Variants in NAV3 observed in about 807,000 individuals in gnomAD.
The protein encoded by NAV3 is pore membrane and/or filament interacting like protein 1.
NAV3 carries 87 observed loss-of-function variants against 244.7 expected under a neutral mutation model. The ratio of observed to expected loss-of-function variants is 0.36; its 90% CI spans 0.30 to 0.42. The LOEUF (loss-of-function observed/expected upper bound fraction) is 0.42, where lower values mean the gene tolerates loss of function less well. Among genes scored for constraint, NAV3 ranks in the 20% least tolerant of loss-of-function variants. The pLI is 1.00. For synonymous variants in NAV3, 1,126 were observed against 1,042.2 expected, an observed-to-expected ratio of 1.08 and a Z score of -1.55; for missense variants, 2,663 against 2,893.3, an observed-to-expected ratio of 0.92 and a Z score of 1.83.
intron 22 of NAV3, among the ~76,000 whole-genome samples, chr12:78,151,523 A>G (rs1957080832): frequency 6.6e-6 from 1 of 152,044 alleles, no homozygotes; most frequent in Admixed American, 6.6e-5. Context: ...GTGAAAAAAG[A>G]CAGTTATAGA....
chr12:77,896,620 C>G (rs1349771509), intron 1 of NAV3, among the ~76,000 whole-genome samples: 1 of 152,132 alleles, frequency 6.6e-6, no homozygotes, highest in Non-Finnish European at 1.5e-5. Context: ...ATGAACATAA[C>G]AATTGCATTA....
At chr12:77,674,390 T>A (rs1198918921) in intron 2 of NAV3, among the ~76,000 whole-genome samples, 3 of 112,026 alleles carry the variant, frequency 2.7e-5, no homozygotes, top group African/African-American at 1.2e-4. Flanking sequence ...CAAATTATAC[T>A]TTTTTTTTTT....
Position 78,210,187 on chromosome 12 carries a change from G to A in NAV3, c.7039-211G>A, listed in dbSNP as rs769001135. On this transcript the variant is annotated intron_variant, in intron 39 of 39. Transcript: ENST00000397909. ...CCCCAAATAAAAGAGTTATCCAGAGGCCCTATTTTGTCCTTATGGTTTGGT... is the reference window on the plus strand; with the variant it reads ...CCCCAAATAAAAGAGTTATCCAGAGACCCTATTTTGTCCTTATGGTTTGGT... Among the ~76,000 whole-genome samples, 10 of 152,216 alleles carry A rather than the reference G, an allele frequency of 6.6e-5. No homozygotes were observed. The East Asian group carries it at 1.5e-3, about 24-fold the overall frequency.
chr12:78,166,666 T>C (rs1957793407), intron 23 of NAV3, among the ~76,000 whole-genome samples: 2 of 151,824 alleles, frequency 1.3e-5, no homozygotes, highest in Admixed American at 1.3e-4. Context: ...AAGTGATCAT[T>C]TTTCTGTTTC....
At chr12:78,161,512 A>G (rs1957544524) in intron 23 of NAV3, among the ~76,000 whole-genome samples, 1 of 152,132 alleles carries the variant, frequency 6.6e-6, no homozygotes, top group Admixed American at 6.6e-5. Context: ...TTTCTCATAT[A>G]CATATAGAAA....
chr12:77,847,287 G>A (rs931170623), intron 1 of NAV3, among the ~76,000 whole-genome samples: 1 of 152,150 alleles, frequency 6.6e-6, no homozygotes, highest in Non-Finnish European at 1.5e-5. Context: ...GTTTTTAAAG[G>A]TCACCCGTTT....
intron 1 of NAV3, among the ~76,000 whole-genome samples, chr12:77,889,327 C>T (rs1883668952): frequency 6.6e-6 from 1 of 152,294 alleles, no homozygotes; most frequent in Non-Finnish European, 1.5e-5. Flanking sequence ...GCAGCTTGCA[C>T]CATCAGCTCT....
intron 1 of NAV3, among the ~76,000 whole-genome samples, chr12:77,851,275 GTATCT>G (rs1877480606): frequency 6.6e-6 from 1 of 152,106 alleles, no homozygotes; most frequent in Non-Finnish European, 1.5e-5. Context: ...AATTCAAATT[GTATCT>G]TATCTTTAGA....
rs2139737248 is a variant in NAV3 at position 78,181,003 on chromosome 12, C to G, written c.5650C>G (p.Leu1884Val). Residue 1884 changes from leucine to valine, a missense_variant, in exon 30 of 40, where the codon CTT (leucine) becomes GTT (valine). Physicochemically the swap from Leu to Val is conservative, Grantham distance 32. This residue lies in a region of NAV3 where 543 missense variants were observed against 672.4 expected (regional missense o/e 0.81). Transcript: ENST00000397909. ...TTCATCTTCCAGGCAGTCATTAGGA[C>G]TTTCTCTAAACAATTTGAACATCAC... ...SSSSSRQSLGLSLNNLNITEA... is the reference protein window; with the variant it reads ...SSSSSRQSLGVSLNNLNITEA... The G allele has an allele frequency of 6.2e-7, 1 of 1,613,150 alleles. No individual in the cohort carries two copies. The highest frequency in any genetic ancestry group is 1.1e-5 in the South Asian group (1 of 91,038).
chr12:77,960,448 TATAC>T (rs1194768841), intron 3 of NAV3, among the ~76,000 whole-genome samples: 6 of 86,740 alleles, frequency 6.9e-5, no homozygotes, highest in African/African-American at 1.1e-4. Flanking sequence ...TATATATATA[TATAC>T]ACACACACAC....
chr12:77,976,674 C>CTTTTTTTTTTTTTTTTTTTTTTTTTTTTT, intron 5 of NAV3, among the ~76,000 whole-genome samples: 1 of 83,430 alleles, frequency 1.2e-5, no homozygotes, highest in Non-Finnish European at 2.3e-5. Context: ...TTCTTTTTTT[C>CTTTTTTTTTTTTTTTTTTTTTTTTTTTTT]TTTTTTTTTT....
chr12:77,684,513 G>A (rs1236074201), intron 2 of NAV3, among the ~76,000 whole-genome samples: 2 of 151,896 alleles, frequency 1.3e-5, no homozygotes, highest in Non-Finnish European at 2.9e-5. Context: ...TATAGAGACA[G>A]GGTCTTACTG....
intron 28 of NAV3, among the ~76,000 whole-genome samples, chr12:78,178,558 T>C (rs1474099741): frequency 6.6e-6 from 1 of 152,108 alleles, no homozygotes; most frequent in East Asian, 1.9e-4. Flanking sequence ...GGGACTACTG[T>C]ACAAGAACGA....
At chr12:78,013,230 C>T (rs934578883) in intron 8 of NAV3, among the ~76,000 whole-genome samples, 64 of 152,260 alleles carry the variant, frequency 4.2e-4, no homozygotes, top group Non-Finnish European at 7.1e-4. Context: ...AAAAATCATA[C>T]GTCCTATGTC....
chr12:78,067,835 T>C (rs1885202081), intron 12 of NAV3, among the ~76,000 whole-genome samples: 1 of 152,132 alleles, frequency 6.6e-6, no homozygotes, highest in African/African-American at 2.4e-5. Flanking sequence ...AGAATGATTC[T>C]CCCAATACAA....
At chr12:77,705,686 G>C (rs1420571464) in intron 2 of NAV3, among the ~76,000 whole-genome samples, 1 of 151,304 alleles carries the variant, frequency 6.6e-6, no homozygotes, top group Non-Finnish European at 1.5e-5. Context: ...TCCCCCGGGG[G>C]TCAAAGATGA....
At chr12:78,088,381 G>A (rs1008406050) in intron 12 of NAV3, among the ~76,000 whole-genome samples, 3 of 152,060 alleles carry the variant, frequency 2.0e-5, no homozygotes, top group African/African-American at 7.2e-5. Flanking sequence ...TAGAATGTGT[G>A]AATAGATTAT....
At chr12:78,158,741 C>A (rs767836902) in intron 22 of NAV3, among the ~76,000 whole-genome samples, 4 of 152,024 alleles carry the variant, frequency 2.6e-5, no homozygotes, top group Admixed American at 6.6e-5. Flanking sequence ...CTTGATGGAG[C>A]GTATCATTAC....
chr12:77,630,674 A>G (rs1392508116), intron 2 of NAV3, among the ~76,000 whole-genome samples: 1 of 152,074 alleles, frequency 6.6e-6, no homozygotes, highest in Non-Finnish European at 1.5e-5. Context: ...GTATTTTCCT[A>G]TTACCTTGAT....
Sources: allele counts gnomAD v4.1 joint callset (sites outside exome capture counted in the v4.1 genomes callset), GRCh38; gene constraint gnomAD v4.1.1; regional missense constraint gnomAD v4.1.1; transcripts MANE v1.5; gene names NCBI Gene and HGNC (gene_info 2026-07-23, HGNC 2026-07-21).